Variants in AUTS2 observed in about 807,000 individuals in gnomAD.
AUTS2 encodes the protein activator of transcription and developmental regulator AUTS2.
Under a neutral mutation model 112.4 loss-of-function variants are expected in AUTS2, and 17 were observed. That is an observed-to-expected ratio of 0.15 (90% confidence interval 0.10 to 0.23). AUTS2 has a LOEUF of 0.23. Among genes scored for constraint, AUTS2 ranks in the 10% least tolerant of loss-of-function variants. The pLI is 1.00. For missense variants in AUTS2, 1,510 were observed against 1,701.6 expected, an observed-to-expected ratio of 0.89 and a Z score of 1.98; for synonymous variants, 751 against 702.7, an observed-to-expected ratio of 1.07 and a Z score of -1.09.
Position 70,553,472 on chromosome 7 carries a change from G to T in AUTS2, c.690+117691G>T, listed in dbSNP as rs562139983. ...GAGTAACCCTCTGCCTTCTTCCTGG[G>T]GTCTGTTGGCAGTGTTTTTGTGCTG... On this transcript the variant is annotated intron_variant, in intron 5 of 18. Coordinates refer to ENST00000342771, the MANE Select transcript of AUTS2 (RefSeq NM_015570.4). Among the ~76,000 whole-genome samples, 27 of 152,210 alleles carry T rather than the reference G, an allele frequency of 1.8e-4. No homozygotes were observed. The South Asian group carries it at 2.3e-3, about 13-fold the overall frequency.
intron 4 of AUTS2, among the ~76,000 whole-genome samples, chr7:70,379,741 C>G (rs191001385): frequency 2.2e-4 from 33 of 152,250 alleles, no homozygotes; most frequent in Admixed American, 1.9e-3. Flanking sequence ...GATTCCTACA[C>G]TAAGAGACTG....
chr7:70,490,028 A>G (rs1213183074), intron 5 of AUTS2, among the ~76,000 whole-genome samples: 3 of 152,200 alleles, frequency 2.0e-5, no homozygotes, highest in Non-Finnish European at 4.4e-5. Flanking sequence ...CTCAGAGAGG[A>G]ATGGTTGTGT....
chr7:70,207,041 A>G (rs1439498408), intron 4 of AUTS2, among the ~76,000 whole-genome samples: 1 of 152,244 alleles, frequency 6.6e-6, no homozygotes, highest in Non-Finnish European at 1.5e-5. Context: ...AGTAATTAGC[A>G]TATGCATTTC....
chr7:69,727,798 C>T (rs1786589461), intron 1 of AUTS2, among the ~76,000 whole-genome samples: 1 of 152,138 alleles, frequency 6.6e-6, no homozygotes, highest in Admixed American at 6.5e-5. Context: ...GTTGTTTTTA[C>T]TATTGTAGGC....
chr7:70,571,058 T>C (rs1261195173), intron 5 of AUTS2, among the ~76,000 whole-genome samples: 2 of 152,218 alleles, frequency 1.3e-5, no homozygotes, highest in Non-Finnish European at 2.9e-5. Flanking sequence ...ATAGTATATT[T>C]AGTATACATA....
At chr7:70,063,344 A>G (rs1802342813) in intron 2 of AUTS2, among the ~76,000 whole-genome samples, 2 of 151,292 alleles carry the variant, frequency 1.3e-5, no homozygotes, top group Admixed American at 1.3e-4. Context: ...ATGGGATTTG[A>G]TATATAAAAA....
chr7:69,683,227 A>C (rs1796887622), intron 1 of AUTS2, among the ~76,000 whole-genome samples: 1 of 152,218 alleles, frequency 6.6e-6, no homozygotes. Flanking sequence ...ATGCAAACGC[A>C]GCTACCTGGC....
intron 2 of AUTS2, among the ~76,000 whole-genome samples, chr7:69,979,021 A>C (rs1646497765): frequency 6.6e-6 from 1 of 152,172 alleles, no homozygotes; most frequent in South Asian, 2.1e-4. Context: ...TTCAGAGTTA[A>C]TTTGAAATTT....
At chr7:69,824,828 A>T (rs1439894774) in intron 1 of AUTS2, 1 of 152,208 alleles carries the variant, frequency 6.6e-6, no homozygotes, top group African/African-American at 2.4e-5. Flanking sequence ...CTGTCTACTT[A>T]ATCTGCATTT....
At chr7:69,710,499 G>T (rs553798470) in intron 1 of AUTS2, among the ~76,000 whole-genome samples, 2 of 152,208 alleles carry the variant, frequency 1.3e-5, no homozygotes, top group Non-Finnish European at 2.9e-5. Flanking sequence ...GATGGGACAT[G>T]TCTTAGTCCT....
chr7:69,931,050 A>G (rs1416823579), intron 2 of AUTS2, among the ~76,000 whole-genome samples: 3 of 152,028 alleles, frequency 2.0e-5, no homozygotes, highest in Non-Finnish European at 4.4e-5. Context: ...TAAAAAATGT[A>G]TCTTTAGGGA....
chr7:69,819,121 GAT>G (rs1233046776), intron 1 of AUTS2, among the ~76,000 whole-genome samples: 1 of 152,102 alleles, frequency 6.6e-6, no homozygotes, highest in Non-Finnish European at 1.5e-5. Flanking sequence ...TTTTGTACTT[GAT>G]TAAGTGGCTT....
At chr7:70,425,756 A>G (rs549411131) in intron 4 of AUTS2, among the ~76,000 whole-genome samples, 4 of 152,318 alleles carry the variant, frequency 2.6e-5, no homozygotes, top group South Asian at 4.1e-4. Context: ...GAAGAATTCT[A>G]TTCTATCTAG....
chr7:70,456,539 G>A (rs73448875), intron 5 of AUTS2, among the ~76,000 whole-genome samples: 3,539 of 152,284 alleles, frequency 0.023, 120 homozygotes, highest in African/African-American at 0.079. Flanking sequence ...GGACAGAAGA[G>A]CTGGGAAGGG....
At chr7:70,649,723 C>A (rs10272451) in intron 5 of AUTS2, among the ~76,000 whole-genome samples, 8 of 151,654 alleles carry the variant, frequency 5.3e-5, no homozygotes, top group Admixed American at 1.3e-4. Flanking sequence ...AGAGATGGGC[C>A]TTCACCATGT....
At chr7:70,752,885 C>T (rs1788956490) in intron 6 of AUTS2, among the ~76,000 whole-genome samples, 1 of 152,112 alleles carries the variant, frequency 6.6e-6, no homozygotes, top group Non-Finnish European at 1.5e-5. Flanking sequence ...TCCAGGTTGA[C>T]CCTAAAAGCT....
At chr7:70,300,622 A>G (rs1176546364) in intron 4 of AUTS2, among the ~76,000 whole-genome samples, 1 of 152,146 alleles carries the variant, frequency 6.6e-6, no homozygotes, top group African/African-American at 2.4e-5. Context: ...TTTTGGGGAT[A>G]CTGATCAGCT....
chr7:69,753,295 C>T (rs1022109473), intron 1 of AUTS2, among the ~76,000 whole-genome samples: 7 of 151,490 alleles, frequency 4.6e-5, no homozygotes, highest in African/African-American at 1.5e-4. Context: ...TCTAGATACA[C>T]GTAATGTGGA....
chr7:69,890,765 C>T (rs1215559352), intron 1 of AUTS2, among the ~76,000 whole-genome samples: 1 of 151,850 alleles, frequency 6.6e-6, no homozygotes, highest in Non-Finnish European at 1.5e-5. Flanking sequence ...GCTCCTCAGT[C>T]AAGACATTCG....
Sources: gnomAD v4.1 joint callset for allele counts (sites outside exome capture counted in the v4.1 genomes callset) on GRCh38, gnomAD v4.1.1 for gene constraint, MANE v1.5 for transcripts, NCBI Gene and HGNC (gene_info 2026-07-23, HGNC 2026-07-21) for gene names.